Variants in CEP350 observed in about 807,000 individuals in gnomAD.
CEP350 encodes centrosome-associated protein 350.
Under a neutral mutation model 331.8 loss-of-function variants are expected in CEP350, and 126 were observed. The observed-to-expected ratio is 0.38, with a 90% CI of 0.33 to 0.44. The LOEUF is 0.44. Among genes scored for constraint, CEP350 ranks in the 20% least tolerant of loss-of-function variants. The probability of loss-of-function intolerance (pLI) is 1.00; values close to 1 mark genes in which losing one functional copy is unlikely to be tolerated. For synonymous variants in CEP350, 1,200 were observed against 1,259.5 expected, an observed-to-expected ratio of 0.95 and a Z score of 1.00; for missense variants, 3,406 against 3,634.6, an observed-to-expected ratio of 0.94 and a Z score of 1.62.
intron 26 of CEP350, 32 bp downstream of exon 26, chr1:180,062,398 G>A (rs1333442047): frequency 2.6e-6 from 4 of 1,549,402 alleles, no homozygotes; most frequent in African/African-American, 2.8e-5. Context: ...TTTGTTTCCT[G>A]TCTTATTTTG....
chr1:180,067,236 G>A (rs1046708330), intron 27 of CEP350, among the ~76,000 whole-genome samples: 5 of 152,026 alleles, frequency 3.3e-5, no homozygotes, highest in South Asian at 2.1e-4. Flanking sequence ...ACCTTTCCTT[G>A]ACAACTATGG....
chr1:180,090,794 T>C lies in CEP350; in HGVS notation c.6506T>C (p.Val2169Ala). The C allele has an allele frequency of 2.0e-6, 3 of 1,537,568 alleles. No individual in the cohort carries two copies. Among genetic ancestry groups the C allele is most frequent in the African/African-American group, 1.4e-5 (1 of 72,736 alleles). Residue 2169 changes from valine (V) to alanine (A), a missense_variant and splice_region_variant, in exon 33 of 38, where the codon GTT becomes GCT. Physicochemically the swap from Val to Ala is moderately conservative, Grantham distance 64 (BLOSUM62 0). This residue lies in a region of CEP350 where 1,415 missense variants were observed against 1,512.3 expected (regional missense o/e 0.94). Transcript: ENST00000367607. ...RGSLESIAEHVDASLSGSERS... is the reference protein window; with the variant it reads ...RGSLESIAEHADASLSGSERS... ...TCCCTGGAGTCTATTGCTGAACATG[T>C]TGGTATGTAACTAGAAAAAATAATT...
Position 180,094,050 on chromosome 1 carries a change from G to A in CEP350, c.7945G>A (p.Ala2649Thr), listed in dbSNP as rs369381946. The A allele has an allele frequency of 6.2e-7, 1 of 1,613,780 alleles. No homozygotes were observed. Among genetic ancestry groups the A allele is most frequent in the Admixed American group, 1.7e-5 (1 of 60,002 alleles). Residue 2649 changes from alanine (A) to threonine (T), a missense_variant, in exon 34 of 38, where the codon GCC becomes ACC. This residue lies in a region of CEP350 where 1,415 missense variants were observed against 1,512.3 expected (regional missense o/e 0.94). Transcript: ENST00000367607. ...NVQDISGVLE[A>T]HVHQQSSVDS... ...ACAGGACATTTCTGGGGTACTTGAA[G>A]CCCATGTTCACCAGCAGTCTTCAGT...
chr1:180,023,025 A>C (rs1655431280), intron 13 of CEP350, among the ~76,000 whole-genome samples, 177 bp downstream of exon 13: 3 of 152,112 alleles, frequency 2.0e-5, no homozygotes, highest in Non-Finnish European at 4.4e-5. Flanking sequence ...GTTTAAATCC[A>C]GGCTCTCCTG....
intron 3 of CEP350, among the ~76,000 whole-genome samples, chr1:179,988,672 T>C (rs12129605): frequency 0.088 from 12,607 of 143,058 alleles, 679 homozygotes; most frequent in Non-Finnish European, 0.13. Flanking sequence ...AGGGAAACCC[T>C]TTTTTTTTTT....
chr1:180,036,293 T>C (rs1212693105), intron 16 of CEP350, among the ~76,000 whole-genome samples: 1 of 152,226 alleles, frequency 6.6e-6, no homozygotes, highest in Non-Finnish European at 1.5e-5. Flanking sequence ...AAATATTACA[T>C]AAACTTTAAT....
At chr1:179,987,725 G>A (rs1652739805) in intron 3 of CEP350, among the ~76,000 whole-genome samples, 1 of 151,264 alleles carries the variant, frequency 6.6e-6, no homozygotes, top group Admixed American at 6.6e-5. Flanking sequence ...CCAGGAGTTT[G>A]AGATTAGCCT....
At chr1:179,980,497 T>C (rs1232652308) in intron 1 of CEP350, among the ~76,000 whole-genome samples, 2 of 152,106 alleles carry the variant, frequency 1.3e-5, no homozygotes, top group Non-Finnish European at 2.9e-5. Flanking sequence ...ACAGGGACTA[T>C]TTGACTTCCT....
chr1:180,002,748 A>G (rs1452494456), intron 6 of CEP350, among the ~76,000 whole-genome samples: 1 of 152,256 alleles, frequency 6.6e-6, no homozygotes, highest in Non-Finnish European at 1.5e-5. Flanking sequence ...ACAATGGACT[A>G]TCACTTGGCA....
At chr1:179,975,556 A>G (rs1041898852) in intron 1 of CEP350, among the ~76,000 whole-genome samples, 1 of 152,090 alleles carries the variant, frequency 6.6e-6, no homozygotes, top group African/African-American at 2.4e-5. Context: ...AAATAGCTTT[A>G]TGTATGAGGC....
intron 3 of CEP350, among the ~76,000 whole-genome samples, chr1:179,988,115 T>C (rs1652772477): frequency 1.3e-5 from 2 of 151,870 alleles, no homozygotes; most frequent in African/African-American, 4.8e-5. Flanking sequence ...CTGTAAAACA[T>C]GGCAAAACCC....
rs1160812400 is a variant in CEP350, at chr1:179,996,854, G to A, written c.697G>A (p.Glu233Lys). The change falls in exon 6 of 38, where the codon GAG (glutamate) becomes AAG (lysine). Residue 233 changes from glutamate (E) to lysine (K), a missense_variant. This residue lies in a region of CEP350 where 1,857 missense variants were observed against 1,909.2 expected (regional missense o/e 0.97). Transcript: ENST00000367607. The part of the protein sequence containing the change: ...EEMPNRTKGS[E>K]NNLKLSVNNM... ...AATGCCTAACAGAACAAAAGGAAGT[G>A]AGAATAATTTGAAGCTTTCTGTGAA... 1 of 1,613,756 alleles carries A rather than the reference G, an allele frequency of 6.2e-7. No homozygotes were observed. Among genetic ancestry groups the A allele is most frequent in the African/African-American group, 1.3e-5 (1 of 75,054 alleles).
At position 180,094,085 on chromosome 1, in the gene CEP350, G is replaced by A; in HGVS notation, c.7980G>A (p.Gln2660=). The stretch of plus-strand genomic sequence containing the variant: ...ACCAGCAGTCTTCAGTGGATTCACA[G>A]ATTTCTTCAAAGGAAAACAAAGACC... ...HVHQQSSVDS[Q]ISSKENKDLI... The change falls in exon 34 of 38, where the codon CAG becomes CAA. Residue 2660 remains glutamine, a synonymous_variant. Coordinates refer to ENST00000367607, the MANE Select transcript of CEP350 (RefSeq NM_014810.5). 6.2e-7 allele frequency: 1 copy of A among 1,613,912 alleles called. No homozygotes were observed. Among genetic ancestry groups the A allele is most frequent in the South Asian group, 1.1e-5 (1 of 91,076 alleles).
chr1:180,050,113 C>T (rs1368359437), intron 22 of CEP350, among the ~76,000 whole-genome samples: 2 of 152,206 alleles, frequency 1.3e-5, no homozygotes, highest in Non-Finnish European at 2.9e-5. Context: ...AAACCAAACC[C>T]TTAACCTCGT....
At position 179,981,840 on chromosome 1, in the gene CEP350, T is replaced by TA. The variant is rs56680511; in HGVS notation, c.-13-4319dup. Among the ~76,000 whole-genome samples, 460 of 148,784 alleles carry TA rather than the reference T, an allele frequency of 3.1e-3. 1 individual carries two copies. Among genetic ancestry groups the TA allele is most frequent in the African/African-American group, 9.7e-3 (392 of 40,608 alleles). On this transcript the variant is annotated intron_variant, in intron 1 of 37. Coordinates refer to ENST00000367607, the MANE Select transcript of CEP350 (RefSeq NM_014810.5). Reference sequence around the variant, plus strand: ...TAGTGAGACCTCATCTCTATAAAAATAAAAAAAAAATTAACCGGCCATGGT... The same window carrying TA: ...TAGTGAGACCTCATCTCTATAAAAATAAAAAAAAAAATTAACCGGCCATGGT...
Position 180,020,946 on chromosome 1 carries a change from G to C in CEP350, c.3172G>C (p.Ala1058Pro). Residue 1058 changes from alanine to proline, a missense_variant, in exon 12 of 38, where the codon GCA (alanine) becomes CCA (proline). Transcript: ENST00000367607. ...AAGCAAAGGACCATGGGAAGAATTG[G>C]CAAAGGGAAGTCCACATAGCGTCAT... is the stretch of plus-strand genomic sequence containing the variant. The part of the protein sequence containing the change: ...TQSKGPWEEL[A>P]KGSPHSVINI... 1 of 1,600,296 alleles carries C rather than the reference G, an allele frequency of 6.2e-7. No individual in the cohort carries two copies. The highest frequency in any genetic ancestry group is 2.2e-5 in the East Asian group (1 of 44,818).
intron 3 of CEP350, among the ~76,000 whole-genome samples, chr1:179,989,153 T>C (rs1198574136): frequency 6.6e-6 from 1 of 152,006 alleles, no homozygotes; most frequent in African/African-American, 2.4e-5. Context: ...TACATTGGGA[T>C]GCAAAAATCT....
intron 37 of CEP350, among the ~76,000 whole-genome samples, chr1:180,102,443 C>T (rs979509435): frequency 5.3e-5 from 8 of 152,054 alleles, no homozygotes; most frequent in African/African-American, 1.9e-4. Flanking sequence ...GCCAACCCCC[C>T]ACATTTTAAC....
chr1:180,037,172 T>A, intron 17 of CEP350, 83 bp downstream of exon 17: 1 of 1,256,334 alleles, frequency 8.0e-7, no homozygotes, highest in Non-Finnish European at 1.1e-6. Flanking sequence ...CTTAAACTAC[T>A]GTGTCAAATA....
Sources: allele counts gnomAD v4.1 joint callset (sites outside exome capture counted in the v4.1 genomes callset), GRCh38; gene constraint gnomAD v4.1.1; regional missense constraint gnomAD v4.1.1; transcripts MANE v1.5; gene names NCBI Gene and HGNC (gene_info 2026-07-23, HGNC 2026-07-21).